DYSF: variants seen among roughly 807,000 people sequenced by gnomAD.
DYSF encodes dysferlin.
Under a neutral mutation model 274.9 loss-of-function variants are expected in DYSF, and 212 were observed. The observed-to-expected ratio is 0.77, with a 90% CI of 0.69 to 0.86. The LOEUF (loss-of-function observed/expected upper bound fraction) is 0.86. DYSF is among the 40% of genes least tolerant of loss of function. DYSF has a pLI of 0.00. For synonymous variants in DYSF, 1,091 were observed against 1,078.7 expected (o/e 1.01, Z -0.22); for missense variants, 2,666 against 2,783.2 (o/e 0.96, Z 0.95).
At chr2:71,576,724 A>T (rs1421338639) in intron 30 of DYSF, among the ~76,000 whole-genome samples, 4 of 152,132 alleles carry the variant, frequency 2.6e-5, no homozygotes, top group Non-Finnish European at 5.9e-5. Context: ...GGAAGAGGTG[A>T]CTGGAGACAC....
At chr2:71,664,196 G>C (rs1013434272) in intron 45 of DYSF, 72 bp from the exon 46 acceptor site, 12 of 1,604,092 alleles carry the variant, frequency 7.5e-6, no homozygotes, top group Non-Finnish European at 1.0e-5. Flanking sequence ...GTAGTTTCGA[G>C]CTCTTGTCCT....
At chr2:71,631,947 T>G (rs2094321878) in intron 41 of DYSF, among the ~76,000 whole-genome samples, 1 of 152,110 alleles carries the variant, frequency 6.6e-6, no homozygotes, top group Admixed American at 6.5e-5. Context: ...CCGGCGCTCC[T>G]TGCCTCCACC....
At chr2:71,636,588 G>A (rs1296115332) in intron 41 of DYSF, among the ~76,000 whole-genome samples, 1 of 152,140 alleles carries the variant, frequency 6.6e-6, no homozygotes. Flanking sequence ...TTCAGAGATA[G>A]GAATCTGGAC....
chr2:71,656,877 G>A (rs2094784521), intron 43 of DYSF, among the ~76,000 whole-genome samples: 1 of 152,154 alleles, frequency 6.6e-6, no homozygotes, highest in Non-Finnish European at 1.5e-5. Flanking sequence ...TACAATTGGA[G>A]TTGAGATTTG....
chr2:71,485,409 C>T (rs11687665), intron 3 of DYSF, among the ~76,000 whole-genome samples: 2 of 151,970 alleles, frequency 1.3e-5, no homozygotes, highest in African/African-American at 4.8e-5. Flanking sequence ...TACAAAAATT[C>T]GCTGGGCGTG....
At chr2:71,652,138 C>T (rs1019122496) in intron 42 of DYSF, among the ~76,000 whole-genome samples, 10 of 152,182 alleles carry the variant, frequency 6.6e-5, no homozygotes, top group Middle Eastern at 3.2e-3. Flanking sequence ...GGCTTATTGA[C>T]TGTAGATTAC....
At chr2:71,683,395 C>T (rs191997762) in intron 55 of DYSF, among the ~76,000 whole-genome samples, 281 of 152,302 alleles carry the variant, frequency 1.8e-3, no homozygotes, top group African/African-American at 6.3e-3. Context: ...CCAGCCCGCA[C>T]AGCTCATCAG....
At chr2:71,665,427 T>C in intron 47 of DYSF, 123 bp downstream of exon 47, 1 of 1,281,862 alleles carries the variant, frequency 7.8e-7, no homozygotes, top group Non-Finnish European at 1.1e-6. Flanking sequence ...GCTGTGGGTC[T>C]CTCCAGGGCA....
chr2:71,619,695 C>T (rs2094046691), intron 40 of DYSF, among the ~76,000 whole-genome samples: 1 of 152,200 alleles, frequency 6.6e-6, no homozygotes, highest in Non-Finnish European at 1.5e-5. Flanking sequence ...GTGCTTCTTT[C>T]TTCCCCTCTA....
chr2:71,549,702 G>A (rs926693030), intron 17 of DYSF, among the ~76,000 whole-genome samples: 17 of 151,528 alleles, frequency 1.1e-4, no homozygotes, highest in Admixed American at 4.6e-4. Flanking sequence ...AGGCATGGGG[G>A]TCTGGAGTGG....
intron 22 of DYSF, among the ~76,000 whole-genome samples, chr2:71,558,654 G>A (rs1424586282): frequency 6.6e-6 from 1 of 152,154 alleles, no homozygotes; most frequent in Non-Finnish European, 1.5e-5. Context: ...ACCTCTGCAG[G>A]GCTCTGCTCT....
At chr2:71,570,832 C>T (rs2092378137) in intron 29 of DYSF, 91 bp downstream of exon 29, 2 of 1,559,020 alleles carry the variant, frequency 1.3e-6, no homozygotes, top group East Asian at 2.3e-5. Context: ...CAGACACATG[C>T]ATGTGTGCAC....
rs747948507 is a variant in DYSF at position 71,569,812 on chromosome 2, C to G, written c.2865-8C>G. 6.2e-7 allele frequency: 1 copy of G among 1,612,440 alleles called. No homozygotes were observed. The highest frequency in any genetic ancestry group is 8.5e-7 in the Non-Finnish European group (1 of 1,178,942). ...GCAGCAGAGACTCTGACCAGCCCTC[C>G]TCCACAGTCTGCTCCATGACATGGA... is the stretch of plus-strand genomic sequence containing the variant. On this transcript the variant is annotated splice_region_variant and splice_polypyrimidine_tract_variant and intron_variant, in intron 26 of 55. Coordinates refer to ENST00000410020, the MANE Select transcript of DYSF (RefSeq NM_001130987.2).
At chr2:71,611,731 G>T in intron 38 of DYSF, 105 bp downstream of exon 38, 1 of 1,394,594 alleles carries the variant, frequency 7.2e-7, no homozygotes. Context: ...GCGGGATCCA[G>T]GGTAGGACCC....
chr2:71,669,377 A>T (rs773770497), intron 50 of DYSF, among the ~76,000 whole-genome samples, 170 bp downstream of exon 50: 2 of 152,080 alleles, frequency 1.3e-5, no homozygotes, highest in Non-Finnish European at 2.9e-5. Flanking sequence ...CTCCCACCAG[A>T]TTTCTTTTTC....
rs560806155 is a variant in DYSF at position 71,560,965 on chromosome 2, T to C, written c.2217-787T>C. Among the ~76,000 whole-genome samples the C allele has an allele frequency of 6.1e-4, 93 of 152,286 alleles. No homozygotes were observed. In the South Asian group the frequency reaches 6.6e-3, roughly 11 times the overall value. ...CAGACTGCCCCGCCGCATTTCTGCA[T>C]GGCCCTTGTGTGGGTACCGACCCCT... On this transcript the variant is annotated intron_variant, in intron 22 of 55. Coordinates refer to ENST00000410020, the MANE Select transcript of DYSF (RefSeq NM_001130987.2).
chr2:71,601,578 T>G, intron 35 of DYSF, 50 bp downstream of exon 35: 1 of 1,611,188 alleles, frequency 6.2e-7, no homozygotes, highest in African/African-American at 1.3e-5. Context: ...CCAGTCTCCC[T>G]GTGTTTGGCA....
intron 32 of DYSF, among the ~76,000 whole-genome samples, chr2:71,595,756 T>TCCA (rs2093388241): frequency 2.0e-5 from 3 of 152,158 alleles, no homozygotes; most frequent in African/African-American, 4.8e-5. Context: ...AGAGCTGCAA[T>TCCA]CCAAAGTGCT....
intron 17 of DYSF, among the ~76,000 whole-genome samples, chr2:71,542,796 C>A (rs1310360396): frequency 6.6e-6 from 1 of 152,232 alleles, no homozygotes. Context: ...CAGCAACAAT[C>A]TGATTTCTCC....
Sources: allele counts gnomAD v4.1 joint callset (sites outside exome capture counted in the v4.1 genomes callset), GRCh38; gene constraint gnomAD v4.1.1; transcripts MANE v1.5; gene names NCBI Gene and HGNC (gene_info 2026-07-23, HGNC 2026-07-21).